Variants in DOCK10 observed in about 807,000 individuals in gnomAD.
DOCK10 encodes the protein dedicator of cytokinesis protein 10.
A neutral mutation model predicts 280.1 loss-of-function variants in DOCK10; 145 were observed. The observed-to-expected ratio is 0.52, with a 90% CI of 0.45 to 0.59. DOCK10 has a LOEUF of 0.59. Among genes scored for constraint, DOCK10 ranks in the 20% least tolerant of loss-of-function variants. The probability of loss-of-function intolerance (pLI) is 0.00; values close to 1 mark genes in which losing one functional copy is unlikely to be tolerated. For synonymous variants in DOCK10, 915 were observed against 942.2 expected, an observed-to-expected ratio of 0.97 and a Z score of 0.53; for missense variants, 2,368 against 2,651.7, an observed-to-expected ratio of 0.89 and a Z score of 2.35.
Position 224,770,524 on chromosome 2 carries a change from T to A in DOCK10, c.6305+21A>T. ...GTCTCAGGAAGTTCAAGGAAGAACA[T>A]CCCAACAGCGAGAAGCTTACCTGAA... is the stretch of plus-strand genomic sequence containing the variant. On this transcript the variant is annotated intron_variant, in intron 54 of 55. Coordinates refer to ENST00000258390, the MANE Select transcript of DOCK10 (RefSeq NM_014689.3). The surrounding 1 kb of genome is among the most constrained non-coding windows in gnomAD (Gnocchi z 4.5). The A allele has an allele frequency of 6.2e-7, 1 of 1,605,070 alleles. No individual in the cohort carries two copies. Among genetic ancestry groups the A allele is most frequent in the Non-Finnish European group, 8.5e-7 (1 of 1,171,776 alleles).
chr2:224,900,300 CT>C (rs1559703660), intron 3 of DOCK10, among the ~76,000 whole-genome samples: 1 of 151,552 alleles, frequency 6.6e-6, no homozygotes, highest in Non-Finnish European at 1.5e-5. Flanking sequence ...ACAAAACTTT[CT>C]TTTTTTAAAG....
In DOCK10 at chr2:225,014,081, A is replaced by ATATATATATATATATAT. The variant is rs776104946; in HGVS notation, c.123+28170_123+28171insATATATATATATATATA. The stretch of plus-strand genomic sequence containing the variant: ...AAAAAATCCCCAGAAGTCTGAATAT[A>ATATATATATATATATAT]TTGTTTTTTTTTTTTTGTTTTTTTT... On this transcript the variant is annotated intron_variant, in intron 1 of 55. Transcript: ENST00000258390. Among the ~76,000 whole-genome samples, 261 of 96,776 alleles carry ATATATATATATATATAT rather than the reference A, an allele frequency of 2.7e-3. 7 individuals carry two copies. The highest frequency in any genetic ancestry group is 0.012 in the African/African-American group (249 of 21,322). The allele number at this position is 96,776 out of a possible 152,430, so 63.5% of individuals were successfully genotyped here. A position where few individuals can be genotyped will look rare whatever the true frequency, so the allele number is the denominator to read the frequency against.
chr2:224,912,719 TC>T (rs1368394841), intron 3 of DOCK10, among the ~76,000 whole-genome samples: 1 of 152,174 alleles, frequency 6.6e-6, no homozygotes, highest in African/African-American at 2.4e-5. Flanking sequence ...TGCTTTTTTC[TC>T]CTAACAATAT....
At chr2:224,962,632 C>T (rs184071656) in intron 1 of DOCK10, among the ~76,000 whole-genome samples, 1 of 152,314 alleles carries the variant, frequency 6.6e-6, no homozygotes, top group Admixed American at 6.5e-5. Flanking sequence ...AAAAGATAGT[C>T]TGACTTGTGA....
chr2:224,817,765 A>C (rs1371183287), intron 29 of DOCK10, among the ~76,000 whole-genome samples: 3 of 152,228 alleles, frequency 2.0e-5, no homozygotes, highest in Non-Finnish European at 4.4e-5. Flanking sequence ...AAACCAGATG[A>C]CATAAAATCA....
chr2:224,967,587 G>T (rs552006022), intron 1 of DOCK10, among the ~76,000 whole-genome samples: 116 of 152,222 alleles, frequency 7.6e-4, no homozygotes, highest in African/African-American at 2.8e-3. Context: ...AGTACAATAG[G>T]CCTCCTTACC....
At chr2:224,794,417 G>T (rs559705875) in intron 45 of DOCK10, among the ~76,000 whole-genome samples, 1 of 152,324 alleles carries the variant, frequency 6.6e-6, no homozygotes, top group African/African-American at 2.4e-5. Context: ...CTCACATGGT[G>T]CTAAGGATCA....
chr2:224,940,916 TC>T (rs994561746), intron 1 of DOCK10, among the ~76,000 whole-genome samples: 1 of 152,082 alleles, frequency 6.6e-6, no homozygotes, highest in Non-Finnish European at 1.5e-5. Flanking sequence ...CCTTTCTTCC[TC>T]CCCCCATTTT....
rs60248509 is a variant in DOCK10, at chr2:225,021,828, A to G, written c.123+20424T>C. 7.5e-3 allele frequency among the ~76,000 whole-genome samples: 1,144 copies of G among 152,336 alleles called. 15 individuals are homozygous for G. Among genetic ancestry groups the G allele is most frequent in the African/African-American group, 0.026 (1,093 of 41,578 alleles). ...AGAAAATGCCTAGAGGTAAATCATC[A>G]TATCAGTGTAATTAAGCCAGCACAG... is the stretch of plus-strand genomic sequence containing the variant. On this transcript the variant is annotated intron_variant, in intron 1 of 55. Coordinates refer to ENST00000258390, the MANE Select transcript of DOCK10 (RefSeq NM_014689.3).
rs1442872132 is a variant in DOCK10, at chr2:224,852,367, C to T, written c.2142+10G>A. ...ACTTTATGCTGGGTCCCTTTGCTGACTTGGCTCACCTTCAGGGGCTTGGCA... is the reference window on the plus strand; with the variant it reads ...ACTTTATGCTGGGTCCCTTTGCTGATTTGGCTCACCTTCAGGGGCTTGGCA... On this transcript the variant is annotated intron_variant, in intron 18 of 55. Coordinates refer to ENST00000258390, the MANE Select transcript of DOCK10 (RefSeq NM_014689.3). 1 of 1,565,704 alleles carries T rather than the reference C, an allele frequency of 6.4e-7. No individual in the cohort carries two copies. The highest frequency in any genetic ancestry group is 2.3e-5 in the East Asian group (1 of 42,624).
chr2:224,945,322 T>C (rs758810258), intron 1 of DOCK10, among the ~76,000 whole-genome samples: 3 of 152,086 alleles, frequency 2.0e-5, no homozygotes, highest in Admixed American at 6.5e-5. Context: ...ATCTGACCAG[T>C]GGGGAGGAAG....
intron 1 of DOCK10, among the ~76,000 whole-genome samples, chr2:224,958,714 C>T (rs777061903): frequency 2.0e-5 from 3 of 152,042 alleles, no homozygotes; most frequent in Non-Finnish European, 4.4e-5. Context: ...TACTTTTCTG[C>T]CTAAGCGGGA....
chr2:224,848,459 T>C (rs766906318), intron 19 of DOCK10, among the ~76,000 whole-genome samples: 3 of 152,238 alleles, frequency 2.0e-5, no homozygotes, highest in Non-Finnish European at 4.4e-5. Context: ...CCAATGACTT[T>C]CTATGTGTTA....
At chr2:224,887,486 G>GTA (rs71062963) in intron 4 of DOCK10, among the ~76,000 whole-genome samples, 1 of 152,214 alleles carries the variant, frequency 6.6e-6, no homozygotes. Flanking sequence ...TTTATAAATG[G>GTA]AAAATAAACC....
intron 47 of DOCK10, among the ~76,000 whole-genome samples, chr2:224,790,747 T>C (rs1453004448): frequency 6.6e-6 from 1 of 152,172 alleles, no homozygotes; most frequent in African/African-American, 2.4e-5. Flanking sequence ...GCAGCTGTAC[T>C]TTCTGGGGTC....
intron 1 of DOCK10, among the ~76,000 whole-genome samples, chr2:225,012,916 C>T (rs1689484298): frequency 6.6e-6 from 1 of 152,102 alleles, no homozygotes; most frequent in Non-Finnish European, 1.5e-5. Flanking sequence ...TTAGTTTTAG[C>T]TTATGTATTA....
intron 24 of DOCK10, among the ~76,000 whole-genome samples, chr2:224,838,285 T>C (rs527934220): frequency 1.3e-5 from 2 of 152,368 alleles, no homozygotes; most frequent in Non-Finnish European, 2.9e-5. Flanking sequence ...TATATGCTTT[T>C]GGAAAAAGTA....
chr2:225,031,804 A>G (rs1575176090), intron 1 of DOCK10, among the ~76,000 whole-genome samples: 1 of 152,292 alleles, frequency 6.6e-6, no homozygotes, highest in South Asian at 2.1e-4. Flanking sequence ...CCTTCTCTTC[A>G]GGATAAGAAA....
chr2:224,919,434 G>GGTCT (rs1011569890), intron 2 of DOCK10, among the ~76,000 whole-genome samples: 2 of 146,990 alleles, frequency 1.4e-5, no homozygotes, highest in African/African-American at 5.1e-5. Flanking sequence ...TGCATGTGTA[G>GGTCT]GTCTGTACAC....
Sources: allele counts gnomAD v4.1 joint callset (sites outside exome capture counted in the v4.1 genomes callset), GRCh38; gene constraint gnomAD v4.1.1; non-coding constraint Gnocchi (gnomAD v3.1); transcripts MANE v1.5; gene names NCBI Gene and HGNC (gene_info 2026-07-23, HGNC 2026-07-21).